The following CADM1 variants were observed in gnomAD, a reference collection of about 807,000 sequenced individuals.
CADM1 encodes TSLC-1.
A neutral mutation model predicts 53.1 loss-of-function variants in CADM1; 15 were observed. The observed-to-expected ratio is 0.28, with a 90% confidence interval of 0.19 to 0.44. The LOEUF (loss-of-function observed/expected upper bound fraction) is 0.44. Among genes scored for constraint, CADM1 ranks in the 20% least tolerant of loss-of-function variants. The pLI, the probability that CADM1 is intolerant of heterozygous loss-of-function variation, is 1.00. For synonymous variants in CADM1, 281 were observed against 243.0 expected (o/e 1.16, Z -1.45); for missense variants, 434 against 611.3 (o/e 0.71, Z 3.06).
At position 115,174,458 on chromosome 11, in the gene CADM1, T is replaced by G; in HGVS notation, c.*2016A>C. 1.0e-6 allele frequency: 1 copy of G among 985,818 alleles called. No individual in the cohort carries two copies. Among genetic ancestry groups the G allele is most frequent in the Non-Finnish European group, 1.2e-6 (1 of 829,910 alleles). The allele number at this position is 985,818 out of a possible 1,614,324, so 61.1% of individuals were successfully genotyped here. A position where few individuals can be genotyped will look rare whatever the true frequency, so the allele number is the denominator to read the frequency against. ...TGAAAAAGGGATGTTCATTGTGGCTTTTTGTCTTGGTTAAGTGCCTAGGGA... is the reference window on the plus strand; with the variant it reads ...TGAAAAAGGGATGTTCATTGTGGCTGTTTGTCTTGGTTAAGTGCCTAGGGA... On this transcript the variant is annotated 3_prime_UTR_variant, in exon 12 of 12. Transcript: ENST00000331581.
At chr11:115,264,029 C>T (rs559748727) in intron 1 of CADM1, among the ~76,000 whole-genome samples, 8 of 152,238 alleles carry the variant, frequency 5.3e-5, no homozygotes, top group East Asian at 1.9e-4. Context: ...AAGATGAGAT[C>T]GAGAGTCAAA....
intron 1 of CADM1, among the ~76,000 whole-genome samples, chr11:115,394,157 G>T (rs1946924795): frequency 6.6e-6 from 1 of 152,164 alleles, no homozygotes; most frequent in African/African-American, 2.4e-5. Flanking sequence ...CTACAAGGCA[G>T]TGTCAACAGA....
intron 1 of CADM1, chr11:115,445,671 C>T (rs1948433717): frequency 8.1e-6 from 3 of 368,332 alleles, no homozygotes; most frequent in East Asian, 9.5e-5. Flanking sequence ...TGGCAACACC[C>T]TGTCTCAACA....
chr11:115,173,967 AACAAT>A lies in CADM1; in HGVS notation c.*2502_*2506del. The A allele has an allele frequency of 1.0e-6, 1 of 962,696 alleles. No individual in the cohort carries two copies. Among genetic ancestry groups the A allele is most frequent in the South Asian group, 4.8e-5 (1 of 20,802 alleles). The allele number at this position is 962,696 out of a possible 1,614,324, so 59.6% of individuals were successfully genotyped here. On this transcript the variant is annotated 3_prime_UTR_variant, in exon 12 of 12. Coordinates refer to ENST00000331581, the MANE Select transcript of CADM1 (RefSeq NM_001301043.2). ...GATCAACCTGTACAAAGTAATACTCAACAATACATTTCAAACAGTGCACTGTATAC... is the reference window on the plus strand; with the variant it reads ...GATCAACCTGTACAAAGTAATACTCAACATTTCAAACAGTGCACTGTATAC...
At chr11:115,357,216 C>G (rs1945898374) in intron 1 of CADM1, among the ~76,000 whole-genome samples, 1 of 152,208 alleles carries the variant, frequency 6.6e-6, no homozygotes, top group African/African-American at 2.4e-5. Flanking sequence ...TTCGCTCCTG[C>G]TGTACCCCAG....
At chr11:115,218,220 G>C in intron 5 of CADM1, 1 of 525,268 alleles carries the variant, frequency 1.9e-6, no homozygotes, top group Non-Finnish European at 3.5e-6. Flanking sequence ...AGCCAACTGC[G>C]CCACATCAAA....
At chr11:115,480,683 C>A (rs527817931) in intron 1 of CADM1, among the ~76,000 whole-genome samples, 1 of 152,274 alleles carries the variant, frequency 6.6e-6, no homozygotes, top group African/African-American at 2.4e-5. Flanking sequence ...CTGGTTGCTT[C>A]CTAGAATTTC....
At position 115,426,718 on chromosome 11, in the gene CADM1, C is replaced by G. The variant is rs376407842; in HGVS notation, c.124+77553G>C. Reference sequence around the variant, plus strand: ...CCCTCCCCTGCTTCCCCCTTTACCCCCTCTGGGCCCCTCCACAGCTTGGAT... The same window carrying G: ...CCCTCCCCTGCTTCCCCCTTTACCCGCTCTGGGCCCCTCCACAGCTTGGAT... On this transcript the variant is annotated intron_variant, in intron 1 of 11. Coordinates refer to ENST00000331581, the MANE Select transcript of CADM1 (RefSeq NM_001301043.2). 4.6e-5 allele frequency among the ~76,000 whole-genome samples: 7 copies of G among 152,230 alleles called. 1 individual carries two copies. The highest frequency in any genetic ancestry group is 2.0e-4 in the Admixed American group (3 of 15,294).
chr11:115,223,497 C>T (rs1304930667), intron 5 of CADM1, among the ~76,000 whole-genome samples: 3 of 152,116 alleles, frequency 2.0e-5, no homozygotes, highest in Admixed American at 1.3e-4. Flanking sequence ...ATGTCCACAG[C>T]CACACAGACA....
chr11:115,393,629 T>A (rs1946903408), intron 1 of CADM1, among the ~76,000 whole-genome samples: 1 of 150,980 alleles, frequency 6.6e-6, no homozygotes, highest in Non-Finnish European at 1.5e-5. Context: ...TAAAAAAAAA[T>A]CCACAGCTCT....
chr11:115,496,102 A>G lies in CADM1; in HGVS notation c.124+8169T>C, dbSNP rs314479. Among the ~76,000 whole-genome samples, 534 of 152,352 alleles carry G rather than the reference A, an allele frequency of 3.5e-3. 4 individuals are homozygous for G. Among genetic ancestry groups the G allele is most frequent in the African/African-American group, 0.012 (488 of 41,582 alleles). On this transcript the variant is annotated intron_variant, in intron 1 of 11. Coordinates refer to ENST00000331581, the MANE Select transcript of CADM1 (RefSeq NM_001301043.2). ...AAATACAAACTACCAAATGGAGACA[A>G]TACATTTTCATGAATGTATTGTTTT...
intron 1 of CADM1, among the ~76,000 whole-genome samples, chr11:115,406,162 A>AC (rs1264094033): frequency 3.9e-5 from 6 of 152,060 alleles, no homozygotes; most frequent in Admixed American, 3.3e-4. Flanking sequence ...GTATCTTTAG[A>AC]CCCCATATGC....
intron 2 of CADM1, among the ~76,000 whole-genome samples, chr11:115,239,939 A>T (rs574579855): frequency 2.0e-5 from 3 of 152,254 alleles, no homozygotes; most frequent in Admixed American, 2.0e-4. Flanking sequence ...TCTTCAAACC[A>T]AAGGGATTAC....
chr11:115,435,962 T>A (rs1405205123), intron 1 of CADM1, among the ~76,000 whole-genome samples: 3 of 152,132 alleles, frequency 2.0e-5, no homozygotes, highest in African/African-American at 7.2e-5. Flanking sequence ...ACGGTAAACA[T>A]CTAAGAAACC....
intron 1 of CADM1, among the ~76,000 whole-genome samples, chr11:115,465,483 A>C (rs1948880587): frequency 6.6e-6 from 1 of 152,198 alleles, no homozygotes; most frequent in Non-Finnish European, 1.5e-5. Flanking sequence ...GTATTAAAAG[A>C]AGGAAATAAA....
intron 1 of CADM1, among the ~76,000 whole-genome samples, chr11:115,491,869 G>C (rs1034581358): frequency 1.3e-5 from 2 of 152,152 alleles, no homozygotes; most frequent in Non-Finnish European, 2.9e-5. Context: ...ACCAAACACT[G>C]CATGTTCTCA....
At chr11:115,398,607 G>C (rs1947062142) in intron 1 of CADM1, among the ~76,000 whole-genome samples, 1 of 152,196 alleles carries the variant, frequency 6.6e-6, no homozygotes, top group Non-Finnish European at 1.5e-5. Flanking sequence ...AATCACATGA[G>C]ATCAAACAAT....
At chr11:115,205,978 T>C (rs1409080547) in intron 8 of CADM1, among the ~76,000 whole-genome samples, 1 of 152,232 alleles carries the variant, frequency 6.6e-6, no homozygotes, top group Non-Finnish European at 1.5e-5. Flanking sequence ...GAAAACATTG[T>C]AAGCTGGAAA....
At chr11:115,432,388 A>G (rs1051273065) in intron 1 of CADM1, among the ~76,000 whole-genome samples, 11 of 152,060 alleles carry the variant, frequency 7.2e-5, no homozygotes, top group African/African-American at 2.7e-4. Flanking sequence ...ATAAACAAAA[A>G]TCTCTTGAAT....
Sources: gnomAD v4.1 joint callset for allele counts (sites outside exome capture counted in the v4.1 genomes callset) on GRCh38, gnomAD v4.1.1 for gene constraint, MANE v1.5 for transcripts, NCBI Gene and HGNC (gene_info 2026-07-23, HGNC 2026-07-21) for gene names.